ADGRA1: variants seen among roughly 807,000 people sequenced by gnomAD.
ADGRA1 encodes the protein adhesion G protein-coupled receptor A1, also known as G-protein coupled receptor 123.
Under a neutral mutation model 21.3 loss-of-function variants are expected in ADGRA1, and 12 were observed. The observed-to-expected ratio is 0.56, with a 90% CI of 0.36 to 0.91. The LOEUF (loss-of-function observed/expected upper bound fraction) is 0.91, where lower values mean the gene tolerates loss of function less well. Among genes scored for constraint, ADGRA1 ranks in the 40% least tolerant of loss-of-function variants. ADGRA1 has a pLI of 0.01. For missense variants in ADGRA1, 790 were observed against 805.6 expected (o/e 0.98, Z 0.23); for synonymous variants, 385 against 368.8 (o/e 1.04, Z -0.50).
intron 5 of ADGRA1, among the ~76,000 whole-genome samples, chr10:133,123,186 C>A (rs542760937): frequency 2.3e-4 from 35 of 152,328 alleles, no homozygotes; most frequent in African/African-American, 8.2e-4. Flanking sequence ...AGGGGCCCCG[C>A]GAGTCCCTCT....
At chr10:133,112,622 T>G (rs1591180761) in intron 5 of ADGRA1, among the ~76,000 whole-genome samples, 1 of 138,430 alleles carries the variant, frequency 7.2e-6, no homozygotes, top group Non-Finnish European at 1.6e-5. Flanking sequence ...GCTACGTCGG[T>G]TATTTGGGGT....
intron 5 of ADGRA1, among the ~76,000 whole-genome samples, chr10:133,118,057 C>T (rs566080302): frequency 2.0e-5 from 3 of 152,294 alleles, no homozygotes; most frequent in East Asian, 3.9e-4. Context: ...GGGAGCTGGA[C>T]GTGTCCCCAA....
At chr10:133,111,193 A>G (rs1851990641) in intron 5 of ADGRA1, among the ~76,000 whole-genome samples, 1 of 143,880 alleles carries the variant, frequency 7.0e-6, no homozygotes, top group South Asian at 2.3e-4. Context: ...CTCCCTCCTA[A>G]TCCCTCCAGA....
At chr10:133,120,234 T>G (rs1357161644) in intron 5 of ADGRA1, among the ~76,000 whole-genome samples, 3 of 152,068 alleles carry the variant, frequency 2.0e-5, no homozygotes, top group Admixed American at 2.0e-4. Flanking sequence ...CAAAACCCAG[T>G]CTCAACAAAA....
chr10:133,119,727 G>C (rs1262700319), intron 5 of ADGRA1, among the ~76,000 whole-genome samples: 2 of 152,192 alleles, frequency 1.3e-5, no homozygotes, highest in Non-Finnish European at 2.9e-5. Flanking sequence ...CCATCTTCAG[G>C]CTCCACTTCT....
At chr10:133,093,014 A>G (rs757128883) in intron 2 of ADGRA1, 8 of 1,593,908 alleles carry the variant, frequency 5.0e-6, no homozygotes, top group Non-Finnish European at 5.1e-6. Context: ...AAGGTTCCTC[A>G]GCCAGTCGGA....
chr10:133,127,847 G>A (rs1265484710), intron 6 of ADGRA1, among the ~76,000 whole-genome samples: 3 of 104,486 alleles, frequency 2.9e-5, no homozygotes, highest in African/African-American at 3.7e-5. Context: ...CTCCACCTCC[G>A]CCTGGCCCCG....
In ADGRA1 at chr10:133,104,549, G is replaced by A. The variant is rs575242164; in HGVS notation, c.401+1707G>A. Among the ~76,000 whole-genome samples the A allele has an allele frequency of 6.6e-5, 10 of 152,286 alleles. No individual in the cohort carries two copies. The South Asian group carries it at 1.9e-3, about 28-fold the overall frequency. On this transcript the variant is annotated intron_variant, in intron 5 of 6. Transcript: ENST00000392607. ...CAGCGACGGCAAGGCCCTGCTTGCG[G>A]CCATGGTGCCGAGGCGACTGCTTCC...
In ADGRA1 at chr10:133,128,631, C is replaced by T. The variant is rs746424123; in HGVS notation, c.803C>T (p.Ala268Val). Residue 268 changes from alanine to valine, a missense_variant, in exon 7 of 7, where the codon GCC (alanine) becomes GTC (valine). Ala to Val is a moderately conservative substitution (Grantham distance 64). This residue lies in a region of ADGRA1 where 382 missense variants were observed against 415.6 expected (regional missense o/e 0.92). Coordinates refer to ENST00000392607, the MANE Select transcript of ADGRA1 (RefSeq NM_001083909.3). The part of the protein sequence containing the change: ...AAAFTLFLFT[A>V]TWAFGALAVS... Reference sequence around the variant, plus strand: ...GCCTTCACGCTGTTCCTGTTCACGGCCACGTGGGCCTTCGGGGCGCTGGCG... The same window carrying T: ...GCCTTCACGCTGTTCCTGTTCACGGTCACGTGGGCCTTCGGGGCGCTGGCG... 1.2e-6 allele frequency: 2 copies of T among 1,606,978 alleles called. No homozygotes were observed. The highest frequency in any genetic ancestry group is 1.7e-6 in the Non-Finnish European group (2 of 1,178,268).
At chr10:133,115,565 C>G (rs1295174493) in intron 5 of ADGRA1, among the ~76,000 whole-genome samples, 2 of 152,208 alleles carry the variant, frequency 1.3e-5, no homozygotes, top group Non-Finnish European at 2.9e-5. Context: ...GCGCGCAGTG[C>G]TAGCCAGCCA....
rs547766421 is a variant in ADGRA1, at chr10:133,100,388, G to A, written c.255+1625G>A. On this transcript the variant is annotated intron_variant, in intron 4 of 6. Coordinates refer to ENST00000392607, the MANE Select transcript of ADGRA1 (RefSeq NM_001083909.3). Reference sequence around the variant, plus strand: ...ACGTCTGCACTTTGCCACCAAGTACGCCCCACACTGGGATGAAGCCTGCTG... The same window carrying A: ...ACGTCTGCACTTTGCCACCAAGTACACCCCACACTGGGATGAAGCCTGCTG... Among the ~76,000 whole-genome samples, 281 of 152,372 alleles carry A rather than the reference G, an allele frequency of 1.8e-3. 1 individual carries two copies. The highest frequency in any genetic ancestry group is 6.4e-3 in the African/African-American group (266 of 41,592).
intron 5 of ADGRA1, among the ~76,000 whole-genome samples, chr10:133,105,857 C>T (rs995418245): frequency 2.6e-5 from 4 of 152,232 alleles, no homozygotes; most frequent in Non-Finnish European, 1.5e-5. Flanking sequence ...AACGTTCCAG[C>T]TGCAGGGGCC....
rs772185487 is a variant in ADGRA1 at position 133,126,469 on chromosome 10, CATGGGGG to C, written c.402-759_402-753del. On this transcript the variant is annotated intron_variant, in intron 5 of 6. Coordinates refer to ENST00000392607, the MANE Select transcript of ADGRA1 (RefSeq NM_001083909.3). ...TCGCAGGAGCCGGGGAGACAGCGTC[CATGGGGG>C]ATGGTCTCTGAGCCGGCCCCTAGGT... 1.0e-3 allele frequency among the ~76,000 whole-genome samples: 153 copies of C among 152,236 alleles called. 1 individual carries two copies. The highest frequency in any genetic ancestry group is 3.4e-3 in the Middle Eastern group (1 of 294).
intron 1 of ADGRA1, 72 bp from the exon 2 acceptor site, chr10:133,088,636 C>T: frequency 2.0e-6 from 2 of 1,006,648 alleles, no homozygotes; most frequent in Non-Finnish European, 2.5e-6. Context: ...TGCTCCCTGG[C>T]GGGGTCGGGG....
intron 5 of ADGRA1, among the ~76,000 whole-genome samples, chr10:133,116,205 T>C (rs1387963328): frequency 6.6e-6 from 1 of 151,968 alleles, no homozygotes; most frequent in African/African-American, 2.4e-5. Context: ...GTGGATTGGG[T>C]GAAAGACACA....
Position 133,129,897 on chromosome 10 carries a change from T to G in ADGRA1, c.*386T>G. 5.3e-6 allele frequency: 1 copy of G among 187,552 alleles called. No homozygotes were observed. The highest frequency in any genetic ancestry group is 2.4e-5 in the African/African-American group (1 of 42,306). The allele number at this position is 187,552 out of a possible 1,614,324, so 11.6% of individuals were successfully genotyped here. ...ACCCACTGAGACCCCAGCATGGCCCTGCCCGAGATGCCCTGCTGCCCACGG... is the reference window on the plus strand; with the variant it reads ...ACCCACTGAGACCCCAGCATGGCCCGGCCCGAGATGCCCTGCTGCCCACGG... On this transcript the variant is annotated 3_prime_UTR_variant, in exon 7 of 7. Coordinates refer to ENST00000392607, the MANE Select transcript of ADGRA1 (RefSeq NM_001083909.3).
intron 5 of ADGRA1, 52 bp from the exon 6 acceptor site, chr10:133,127,181 C>G (rs1204150429): frequency 1.6e-6 from 2 of 1,248,118 alleles, no homozygotes; most frequent in Admixed American, 2.8e-5. Flanking sequence ...GCGCTGACCC[C>G]GGAGGATGCA....
intron 1 of ADGRA1, 67 bp from the exon 2 acceptor site, chr10:133,088,641 T>A: frequency 3.8e-6 from 4 of 1,047,126 alleles, no homozygotes; most frequent in Non-Finnish European, 4.8e-6. Context: ...CCTGGCGGGG[T>A]CGGGGCTGCG....
chr10:133,103,909 G>T (rs1000087381), intron 5 of ADGRA1, among the ~76,000 whole-genome samples: 4 of 152,352 alleles, frequency 2.6e-5, no homozygotes, highest in South Asian at 4.1e-4. Context: ...GTTCCCTGGG[G>T]CTCCCTGAAT....
Sources: allele counts gnomAD v4.1 joint callset (sites outside exome capture counted in the v4.1 genomes callset), GRCh38; gene constraint gnomAD v4.1.1; regional missense constraint gnomAD v4.1.1; transcripts MANE v1.5; gene names NCBI Gene and HGNC (gene_info 2026-07-23, HGNC 2026-07-21).